Variants in CFAP69 observed in about 807,000 individuals in gnomAD.
CFAP69 encodes cilia and flagella associated protein 69, also known as cilia- and flagella-associated protein 69.
In CFAP69, 92 loss-of-function variants were observed where a neutral mutation model predicts 123.0. The ratio of observed to expected loss-of-function variants is 0.75; its 90% CI spans 0.63 to 0.89. The LOEUF (loss-of-function observed/expected upper bound fraction) is 0.89. CFAP69 is among the 40% of genes least tolerant of loss of function. The probability of loss-of-function intolerance (pLI) is 0.00; values close to 1 mark genes in which losing one functional copy is unlikely to be tolerated. For missense variants in CFAP69, 1,067 were observed against 1,096.9 expected (o/e 0.97, Z 0.39); for synonymous variants, 380 against 364.3 (o/e 1.04, Z -0.49).
intron 8 of CFAP69, among the ~76,000 whole-genome samples, chr7:90,273,421 T>C (rs1212712023): frequency 2.0e-5 from 3 of 152,150 alleles, no homozygotes; most frequent in Admixed American, 2.0e-4. Context: ...CATGATTGAA[T>C]GTGTTATAGA....
chr7:90,308,169 T>A (rs1001546116), intron 21 of CFAP69, among the ~76,000 whole-genome samples: 1 of 152,142 alleles, frequency 6.6e-6, no homozygotes, highest in Non-Finnish European at 1.5e-5. Flanking sequence ...TGCTTATTCA[T>A]TGATTTCTTT....
chr7:90,301,170 C>T (rs1367120255), intron 17 of CFAP69: 5 of 152,016 alleles, frequency 3.3e-5, no homozygotes, highest in African/African-American at 1.2e-4. Flanking sequence ...CAGGGTTTCA[C>T]CATGTTGGCT....
chr7:90,282,303 C>A (rs1272275061), intron 12 of CFAP69, among the ~76,000 whole-genome samples: 2 of 152,244 alleles, frequency 1.3e-5, no homozygotes, highest in East Asian at 3.9e-4. Context: ...GAGCTGTGAT[C>A]ATACCACTGC....
chr7:90,265,414 A>G lies in CFAP69; in HGVS notation c.433+37A>G, dbSNP rs758904124. Reference sequence around the variant, plus strand: ...TTTCCTTAAGGTATAGGGATGTAACATACGACAGGTCCTACTGACAAGGGA... The same window carrying G: ...TTTCCTTAAGGTATAGGGATGTAACGTACGACAGGTCCTACTGACAAGGGA... On this transcript the variant is annotated intron_variant, in intron 5 of 22. Transcript: ENST00000389297. 1.2e-5 allele frequency: 16 copies of G among 1,356,030 alleles called. No homozygotes were observed. The East Asian group carries it at 3.7e-4, about 31-fold the overall frequency. 84.0% of individuals were successfully genotyped at this position (1,356,030 alleles called of 1,614,324 possible).
At chr7:90,321,761 G>A in the CFAP69 span, among the ~76,000 whole-genome samples, 1 of 152,014 alleles carries the variant, frequency 6.6e-6, no homozygotes, top group Non-Finnish European at 1.5e-5. Flanking sequence ...ATACACACGC[G>A]CAAACATACC....
chr7:90,294,358 A>G (rs1791620305), intron 15 of CFAP69, among the ~76,000 whole-genome samples: 1 of 152,250 alleles, frequency 6.6e-6, no homozygotes, highest in South Asian at 2.1e-4. Flanking sequence ...CTAAAGTCAC[A>G]TGAACTGAAC....
At chr7:90,291,632 T>C (rs1187096596) in intron 15 of CFAP69, among the ~76,000 whole-genome samples, 1 of 152,076 alleles carries the variant, frequency 6.6e-6, no homozygotes, top group African/African-American at 2.4e-5. Flanking sequence ...CCTTAATCCT[T>C]AGGGTTGCAG....
At chr7:90,316,343 T>G in the CFAP69 span, among the ~76,000 whole-genome samples, 1 of 152,196 alleles carries the variant, frequency 6.6e-6, no homozygotes, top group Admixed American at 6.5e-5. Flanking sequence ...GAATTGGTGG[T>G]TTGTTTTTTA....
chr7:90,249,298 C>G (rs1796692783), intron 1 of CFAP69, among the ~76,000 whole-genome samples: 3 of 152,280 alleles, frequency 2.0e-5, no homozygotes, highest in South Asian at 4.1e-4. Context: ...TTTGCTTCCC[C>G]TTTGCCTTCC....
chr7:90,297,562 C>T lies in CFAP69; in HGVS notation c.1776-187C>T, dbSNP rs564867854. On this transcript the variant is annotated intron_variant, in intron 15 of 22. Coordinates refer to ENST00000389297, the MANE Select transcript of CFAP69 (RefSeq NM_001039706.3). ...AAGAATGGATATTGATTTTTAAAAA[C>T]GTTGAAACTGAACAACGCTGGTAAA... Among the ~76,000 whole-genome samples the T allele has an allele frequency of 3.2e-4, 48 of 152,196 alleles. 1 individual carries two copies. In the South Asian group the frequency reaches 6.0e-3, roughly 19 times the overall value.
chr7:90,254,708 G>A (rs1157912375), intron 1 of CFAP69, among the ~76,000 whole-genome samples: 1 of 152,170 alleles, frequency 6.6e-6, no homozygotes, highest in East Asian at 1.9e-4. Context: ...GAATAGGAAT[G>A]TAACAACATG....
At chr7:90,255,293 C>A in intron 1 of CFAP69, 130 bp from the exon 2 acceptor site, 2 of 603,562 alleles carry the variant, frequency 3.3e-6, no homozygotes, top group South Asian at 2.7e-5. Flanking sequence ...GTTCATTCTC[C>A]CCTTACTATC....
chr7:90,269,043 C>T (rs1799570344), intron 6 of CFAP69: 1 of 144,314 alleles, frequency 6.9e-6, no homozygotes, highest in East Asian at 2.0e-4. Context: ...TTATTTAAGA[C>T]TAAGGAAAAA....
intron 6 of CFAP69, among the ~76,000 whole-genome samples, chr7:90,270,561 C>T (rs1468276574): frequency 6.6e-6 from 1 of 152,042 alleles, no homozygotes; most frequent in African/African-American, 2.4e-5. Flanking sequence ...AGGTGAGTAG[C>T]TAGAGCATAT....
chr7:90,295,112 C>T (rs780108587), intron 15 of CFAP69, among the ~76,000 whole-genome samples: 17 of 152,162 alleles, frequency 1.1e-4, no homozygotes, highest in Non-Finnish European at 1.9e-4. Flanking sequence ...ATCCTACATG[C>T]GCCTAATCCT....
intron 15 of CFAP69, among the ~76,000 whole-genome samples, chr7:90,290,344 T>G (rs1288742895): frequency 6.6e-6 from 1 of 152,178 alleles, no homozygotes; most frequent in African/African-American, 2.4e-5. Flanking sequence ...AGCTGGATGC[T>G]TGAAGCCCAA....
At chr7:90,306,446 G>A (rs1293036044) in intron 19 of CFAP69, among the ~76,000 whole-genome samples, 1 of 152,180 alleles carries the variant, frequency 6.6e-6, no homozygotes, top group African/African-American at 2.4e-5. Context: ...GAGGGGCAGG[G>A]CCCCTTTCTC....
chr7:90,279,791 A>G lies in CFAP69; in HGVS notation c.1270A>G (p.Ile424Val). ...GCATGAAGAATTACAACTGCATGCA[A>G]TTGCCACTTTGTCATCAGTGGCTCC... is the stretch of plus-strand genomic sequence containing the variant. ...AQHEELQLHAIATLSSVAPLL... is the reference protein window; with the variant it reads ...AQHEELQLHAVATLSSVAPLL... Residue 424 changes from isoleucine (I) to valine (V), a missense_variant, in exon 12 of 23, where the codon ATT (isoleucine) becomes GTT (valine). Transcript: ENST00000389297. The G allele has an allele frequency of 3.7e-6, 6 of 1,613,178 alleles. No individual in the cohort carries two copies. In the South Asian group the frequency reaches 6.6e-5, roughly 18 times the overall value.
At chr7:90,262,276 T>C (rs1445297882) in intron 4 of CFAP69, among the ~76,000 whole-genome samples, 1 of 152,192 alleles carries the variant, frequency 6.6e-6, no homozygotes, top group Non-Finnish European at 1.5e-5. Context: ...TATATTGAAA[T>C]GCTTTCTTGT....
Sources: allele counts gnomAD v4.1 joint callset (sites outside exome capture counted in the v4.1 genomes callset), GRCh38; gene constraint gnomAD v4.1.1; transcripts MANE v1.5; gene names NCBI Gene and HGNC (gene_info 2026-07-23, HGNC 2026-07-21).